Variants in ACOT7 observed in about 807,000 individuals in gnomAD.
ACOT7 encodes acyl-CoA thioesterase 7.
In ACOT7, 12 loss-of-function variants were observed where a neutral mutation model predicts 40.2. The ratio of observed to expected loss-of-function variants is 0.30; its 90% CI spans 0.19 to 0.48. The LOEUF is 0.48. ACOT7 is among the 20% of genes least tolerant of loss of function. The pLI is 0.99. For missense variants in ACOT7, 395 were observed against 530.8 expected, an observed-to-expected ratio of 0.74 and a Z score of 2.51; for synonymous variants, 228 against 219.5, an observed-to-expected ratio of 1.04 and a Z score of -0.34.
intron 1 of ACOT7, among the ~76,000 whole-genome samples, chr1:6,367,708 G>A (rs1439945585): frequency 6.6e-6 from 1 of 152,196 alleles, no homozygotes; most frequent in Non-Finnish European, 1.5e-5. Context: ...CCTGACTCAG[G>A]GAGCTCCCAG....
At chr1:6,372,449 C>T (rs1189539883) in intron 1 of ACOT7, among the ~76,000 whole-genome samples, 1 of 152,060 alleles carries the variant, frequency 6.6e-6, no homozygotes, top group Non-Finnish European at 1.5e-5. Context: ...AGGACTTTTC[C>T]TTTGCATTCA....
chr1:6,309,144 G>T (rs539088827), intron 6 of ACOT7, among the ~76,000 whole-genome samples: 1 of 152,370 alleles, frequency 6.6e-6, no homozygotes, highest in African/African-American at 2.4e-5. Context: ...CGGCAGCAGA[G>T]GCCGAGTCAT....
chr1:6,335,926 G>A lies in ACOT7; in HGVS notation c.419-2358C>T, dbSNP rs148585387. 5.3e-3 allele frequency among the ~76,000 whole-genome samples: 811 copies of A among 152,300 alleles called. 10 individuals carry two copies. The highest frequency in any genetic ancestry group is 0.018 in the African/African-American group (756 of 41,560). On this transcript the variant is annotated intron_variant, in intron 3 of 8. Transcript: ENST00000361521. ...TCAGCTAGAGCCAGCCTGACAAGCCGGTTTCCATGACAACTCGAGTGGCCC... is the reference window on the plus strand; with the variant it reads ...TCAGCTAGAGCCAGCCTGACAAGCCAGTTTCCATGACAACTCGAGTGGCCC...
At position 6,355,092 on chromosome 1, in the gene ACOT7, C is replaced by G. The variant is rs887131187; in HGVS notation, c.144-5226G>C. ...GGGCTCCGACCTGCACCTGCCAGAG[C>G]ACTGCTGCTTAGCAGGCACGCCTGG... On this transcript the variant is annotated intron_variant, in intron 1 of 8. Transcript: ENST00000361521. This position sits in a 1 kb window ranked among gnomAD's most constrained non-coding sequence, Gnocchi z 5.0. 1.3e-5 allele frequency among the ~76,000 whole-genome samples: 2 copies of G among 152,196 alleles called. No homozygotes were observed. Among genetic ancestry groups the G allele is most frequent in the African/African-American group, 4.8e-5 (2 of 41,458 alleles).
chr1:6,343,008 A>T (rs1641316026), intron 2 of ACOT7, among the ~76,000 whole-genome samples: 1 of 152,224 alleles, frequency 6.6e-6, no homozygotes, highest in African/African-American at 2.4e-5. Flanking sequence ...TTCTACTGCA[A>T]CAATCACTTC....
At chr1:6,268,585 C>A (rs1034254629) in intron 8 of ACOT7, among the ~76,000 whole-genome samples, 1 of 152,204 alleles carries the variant, frequency 6.6e-6, no homozygotes, top group Non-Finnish European at 1.5e-5. Flanking sequence ...TTTCCCCACT[C>A]CCCGCCAAGA....
Position 6,330,903 on chromosome 1 carries a change from G to C in ACOT7, c.510+2574C>G, listed in dbSNP as rs1263969397. 2.0e-5 allele frequency among the ~76,000 whole-genome samples: 3 copies of C among 152,212 alleles called. No homozygotes were observed. The highest frequency in any genetic ancestry group is 4.4e-5 in the Non-Finnish European group (3 of 68,050). On this transcript the variant is annotated intron_variant, in intron 4 of 8. Transcript: ENST00000361521. The surrounding 1 kb of genome is among the most constrained non-coding windows in gnomAD (Gnocchi z 4.6). Reference sequence around the variant, plus strand: ...GGGGCCTGGGAGAGATTTCAGAACTGGGTAGCATCTGAAAATTAAATCCGT... The same window carrying C: ...GGGGCCTGGGAGAGATTTCAGAACTCGGTAGCATCTGAAAATTAAATCCGT...
intron 7 of ACOT7, among the ~76,000 whole-genome samples, chr1:6,286,380 G>T (rs1373159293): frequency 6.6e-6 from 1 of 152,212 alleles, no homozygotes; most frequent in East Asian, 1.9e-4. Flanking sequence ...AGGTACAGCA[G>T]CCAGGGCCCT....
At chr1:6,310,045 AC>A (rs1449009710) in intron 6 of ACOT7, among the ~76,000 whole-genome samples, 1 of 152,234 alleles carries the variant, frequency 6.6e-6, no homozygotes, top group Non-Finnish European at 1.5e-5. Flanking sequence ...GGCACCGTTC[AC>A]ACGTCACCTT....
intron 5 of ACOT7, among the ~76,000 whole-genome samples, chr1:6,323,740 ATAT>A (rs1557650628): frequency 8.3e-4 from 65 of 77,950 alleles, no homozygotes; most frequent in African/African-American, 4.5e-3. Flanking sequence ...AAAAAAAAAT[ATAT>A]ATATATATAT....
intron 2 of ACOT7, among the ~76,000 whole-genome samples, chr1:6,347,283 A>C (rs1397106079): frequency 6.6e-6 from 1 of 152,172 alleles, no homozygotes; most frequent in African/African-American, 2.4e-5. Flanking sequence ...TCTCCAAGCC[A>C]ATGTGTCAAA....
At chr1:6,384,656 G>A (rs1184194755) in intron 1 of ACOT7, among the ~76,000 whole-genome samples, 3 of 151,610 alleles carry the variant, frequency 2.0e-5, no homozygotes, top group South Asian at 2.1e-4. Flanking sequence ...GGTTGAAAGC[G>A]CTAACCCGCT....
At chr1:6,390,974 G>A (rs1254866034) in intron 1 of ACOT7, among the ~76,000 whole-genome samples, 1 of 151,518 alleles carries the variant, frequency 6.6e-6, no homozygotes, top group Non-Finnish European at 1.5e-5. Flanking sequence ...CACACTTACT[G>A]TATGGAAGTG....
intron 4 of ACOT7, among the ~76,000 whole-genome samples, chr1:6,332,999 C>A (rs1641003027): frequency 1.3e-5 from 2 of 152,182 alleles, no homozygotes; most frequent in African/African-American, 4.8e-5. Flanking sequence ...GCGTCAGAAG[C>A]AGAGATCAGA....
chr1:6,360,846 G>A (rs567255073), intron 1 of ACOT7: 56 of 1,162,808 alleles, frequency 4.8e-5, no homozygotes, highest in Non-Finnish European at 6.5e-5. Context: ...CCCCAAATCA[G>A]TGAGGACCTA....
Position 6,281,249 on chromosome 1 carries a change from C to T in ACOT7, c.867G>A (p.Thr289=), listed in dbSNP as rs369724108. The T allele has an allele frequency of 3.6e-4, 579 of 1,613,934 alleles. 7 individuals carry two copies. In the South Asian group the frequency reaches 5.9e-3, roughly 16 times the overall value. Residue 289 remains threonine (T), a synonymous_variant, in exon 8 of 9, where the codon ACG becomes ACA. Transcript: ENST00000361521. The part of the protein sequence containing the change: ...VITISGRMTF[T]SNKSMEIEVL... ...CCTCGATCTCCATGGACTTATTGCT[C>T]GTGAAGGTCATGCGTCCCGAGATGG... is the stretch of plus-strand genomic sequence containing the variant.
chr1:6,304,451 T>C (rs1383993774), intron 6 of ACOT7, among the ~76,000 whole-genome samples: 1 of 143,008 alleles, frequency 7.0e-6, no homozygotes, highest in African/African-American at 2.6e-5. Context: ...GAGGGGGATT[T>C]GGCAGGGTCA....
Position 6,383,015 on chromosome 1 carries a change from A to G in ACOT7, c.143+10242T>C, listed in dbSNP as rs149438086. Among the ~76,000 whole-genome samples, 450 of 151,074 alleles carry G rather than the reference A, an allele frequency of 3.0e-3. 26 individuals carry two copies. In the East Asian group the frequency reaches 0.08, roughly 27 times the overall value. On this transcript the variant is annotated intron_variant, in intron 1 of 8. Coordinates refer to ENST00000361521, the MANE Select transcript of ACOT7 (RefSeq NM_007274.4). Reference sequence around the variant, plus strand: ...TGCCTCAGTTTCCCAAGTAGCTGGGACTACAGGCGTGGGCTACCACGCCCA... The same window carrying G: ...TGCCTCAGTTTCCCAAGTAGCTGGGGCTACAGGCGTGGGCTACCACGCCCA...
intron 5 of ACOT7, among the ~76,000 whole-genome samples, chr1:6,319,227 C>A (rs1360925165): frequency 6.6e-6 from 1 of 152,238 alleles, no homozygotes; most frequent in African/African-American, 2.4e-5. Context: ...AAGCCTCGCT[C>A]TATTGCCCAG....
Sources: allele counts gnomAD v4.1 joint callset (sites outside exome capture counted in the v4.1 genomes callset), GRCh38; gene constraint gnomAD v4.1.1; non-coding constraint Gnocchi (gnomAD v3.1); transcripts MANE v1.5; gene names NCBI Gene and HGNC (gene_info 2026-07-23, HGNC 2026-07-21).